C2orf68: variants seen among roughly 807,000 people sequenced by gnomAD.
The protein encoded by C2orf68 is chromosome 2 open reading frame 68, also known as UPF0561 protein C2orf68.
In C2orf68, 15 loss-of-function variants were observed where a neutral mutation model predicts 19.1. That is an observed-to-expected ratio of 0.79 (90% CI 0.53 to 1.21). The LOEUF is 1.21. Ranked by LOEUF, C2orf68 falls within the 50% of genes most tolerant of loss-of-function variation. The probability of loss-of-function intolerance (pLI) is 0.00; values close to 1 mark genes in which losing one functional copy is unlikely to be tolerated. For missense variants in C2orf68, 242 were observed against 226.6 expected (o/e 1.07, Z -0.44); for synonymous variants, 98 against 91.0 (o/e 1.08, Z -0.44).
At chr2:85,611,304 G>A in intron 2 of C2orf68, 3 of 1,420,106 alleles carry the variant, frequency 2.1e-6, no homozygotes, top group East Asian at 5.3e-5. Flanking sequence ...AGAAGCTGGG[G>A]AAAGGCCATT....
rs1305822572 is a variant in C2orf68, at chr2:85,607,286, G to A, written c.*1659C>T. The A allele has an allele frequency of 6.6e-6, 1 of 152,210 alleles. No homozygotes were observed. The highest frequency in any genetic ancestry group is 1.5e-5 in the Non-Finnish European group (1 of 68,044). The allele number at this position is 152,210 out of a possible 1,614,324, so 9.4% of individuals were successfully genotyped here. A position where few individuals can be genotyped will look rare whatever the true frequency, so the allele number is the denominator to read the frequency against. On this transcript the variant is annotated 3_prime_UTR_variant, in exon 4 of 4. Coordinates refer to ENST00000306336, the MANE Select transcript of C2orf68 (RefSeq NM_001013649.4). ...AATGACTGACTGGTTCTCTGACCAG[G>A]AAGAACAGGGGTGGAGTTTGGGAGA...
Position 85,609,535 on chromosome 2 carries a change from C to T in C2orf68, c.278G>A (p.Ser93Asn). Residue 93 changes from serine to asparagine, a missense_variant, in exon 3 of 4, where the codon AGC (serine) becomes AAC (asparagine). Coordinates refer to ENST00000306336, the MANE Select transcript of C2orf68 (RefSeq NM_001013649.4). ...NPDYEESGESSSSGGSELEPS... is the reference protein window; with the variant it reads ...NPDYEESGESNSSGGSELEPS... ...CTCCAGCTCAGAGCCTCCACTACTG[C>T]TGCTTTCACCGGACTCTTCATAGTC... The T allele has an allele frequency of 6.2e-7, 1 of 1,614,214 alleles. No individual in the cohort carries two copies. The highest frequency in any genetic ancestry group is 8.5e-7 in the Non-Finnish European group (1 of 1,180,028).
intron 3 of C2orf68, 73 bp from the exon 4 acceptor site, chr2:85,609,140 ACT>A: frequency 6.4e-7 from 1 of 1,567,140 alleles, no homozygotes; most frequent in East Asian, 2.3e-5. Flanking sequence ...GTCCCTAAAC[ACT>A]CTCACAGAAC....
Position 85,605,266 on chromosome 2 carries a change from CG to C in C2orf68, c.*3678del, listed in dbSNP as rs1273600331. 5.9e-5 allele frequency among the ~76,000 whole-genome samples: 9 copies of C among 151,946 alleles called. No homozygotes were observed. Among genetic ancestry groups the C allele is most frequent in the Non-Finnish European group, 1.0e-4 (7 of 67,972 alleles). On this transcript the variant is annotated 3_prime_UTR_variant, in exon 4 of 4. Coordinates refer to ENST00000306336, the MANE Select transcript of C2orf68 (RefSeq NM_001013649.4). Reference sequence around the variant, plus strand: ...TTGGCAAAAACAGTGCTGTAAAAATCGTAAGTTTATTTGTTAAAAAAAATAC... The same window carrying C: ...TTGGCAAAAACAGTGCTGTAAAAATCTAAGTTTATTTGTTAAAAAAAATAC...
Position 85,611,773 on chromosome 2 carries a change from T to C in C2orf68, c.121A>G (p.Lys41Glu). 1 of 1,611,978 alleles carries C rather than the reference T, an allele frequency of 6.2e-7. No homozygotes were observed. The highest frequency in any genetic ancestry group is 8.5e-7 in the Non-Finnish European group (1 of 1,179,506). Residue 41 changes from lysine to glutamate, a missense_variant, in exon 2 of 4, where the codon AAG becomes GAG. Lys to Glu is a moderately conservative substitution (Grantham distance 56, BLOSUM62 1). Coordinates refer to ENST00000306336, the MANE Select transcript of C2orf68 (RefSeq NM_001013649.4). The stretch of plus-strand genomic sequence containing the variant: ...TCCTTGGCCGCCTGCTTCACCTTCT[T>C]GTCATAGTCGTCCCTGCGGGGAGCC... ...RNQIARDDYD[K>E]KVKQAAKEKV...
intron 2 of C2orf68, 156 bp downstream of exon 2, chr2:85,611,512 A>C (rs1558840090): frequency 1.9e-6 from 3 of 1,550,842 alleles, no homozygotes; most frequent in Non-Finnish European, 2.6e-6. Context: ...GGTGAGAATC[A>C]TTCAGCGGAG....
In C2orf68 at chr2:85,609,690, T is replaced by C. The variant is rs1673380082; in HGVS notation, c.227-104A>G. 7 of 1,449,162 alleles carry C rather than the reference T, an allele frequency of 4.8e-6. No individual in the cohort carries two copies. The Admixed American group carries it at 1.3e-4, about 26-fold the overall frequency. The allele number at this position is 1,449,162 out of a possible 1,614,324, so 89.8% of individuals were successfully genotyped here. A position where few individuals can be genotyped will look rare whatever the true frequency, so the allele number is the denominator to read the frequency against. The stretch of plus-strand genomic sequence containing the variant: ...TATACGGTTAGGAAAGCCCCAGTCT[T>C]CTTTTTTTTGAGACGAAGTCTCACT... On this transcript the variant is annotated intron_variant, in intron 2 of 3. Transcript: ENST00000306336.
chr2:85,611,941 G>C lies in C2orf68; in HGVS notation c.44C>G (p.Pro15Arg), dbSNP rs908456742. Residue 15 changes from proline to arginine, a missense_variant, in exon 1 of 4, where the codon CCT becomes CGT. By Grantham distance (103) the Pro-to-Arg change is moderately radical. Coordinates refer to ENST00000306336, the MANE Select transcript of C2orf68 (RefSeq NM_001013649.4). The part of the protein sequence containing the change: ...PHPRPGHCCK[P>R]GGRLDMNHGF... Reference sequence around the variant, plus strand: ...GTGGTTCATGTCCAGCCGCCCCCCAGGCTTGCAGCAGTGCCCCGGCCGGGG... The same window carrying C: ...GTGGTTCATGTCCAGCCGCCCCCCACGCTTGCAGCAGTGCCCCGGCCGGGG... The C allele has an allele frequency of 6.3e-7, 1 of 1,583,264 alleles. No homozygotes were observed.
intron 2 of C2orf68, chr2:85,611,422 C>T: frequency 1.3e-6 from 2 of 1,512,958 alleles, no homozygotes; most frequent in Admixed American, 2.2e-5. Context: ...TGGGGCAAAC[C>T]GGCAGATAAA....
rs1483889621 is a variant in C2orf68 at position 85,609,471 on chromosome 2, T to C, written c.342A>G (p.Ala114=). 1 of 1,614,212 alleles carries C rather than the reference T, an allele frequency of 6.2e-7. No individual in the cohort carries two copies. Among genetic ancestry groups the C allele is most frequent in the Non-Finnish European group, 8.5e-7 (1 of 1,180,042 alleles). Residue 114 remains alanine, a synonymous_variant, in exon 3 of 4, where the codon GCA becomes GCG. Transcript: ENST00000306336. ...TAACTGATGTGACCTCTCCACTGTC[T>C]GCCTCGTATTCTAAGCAGAAGAGCT... ...GHQLFCLEYE[A]DSGEVTSVIV... is the part of the protein sequence containing the mutation.
rs1673320904 is a variant in C2orf68 at position 85,608,873 on chromosome 2, C to T, written c.*72G>A. The stretch of plus-strand genomic sequence containing the variant: ...TCAGACAAACTGGTCCTGGTACCCC[C>T]ACACTAAATTCCCTGGGCAGAATTC... On this transcript the variant is annotated 3_prime_UTR_variant, in exon 4 of 4. Transcript: ENST00000306336. The T allele has an allele frequency of 1.3e-6, 2 of 1,585,708 alleles. No homozygotes were observed. Among genetic ancestry groups the T allele is most frequent in the Non-Finnish European group, 1.7e-6 (2 of 1,161,866 alleles).
In C2orf68 at chr2:85,608,729, A is replaced by T; in HGVS notation, c.*216T>A. ...AAAAAAAAAAAAAAAAAAAAAAAAA[A>T]GAATTCCAGAATATCAGGCTGGGCA... is the stretch of plus-strand genomic sequence containing the variant. On this transcript the variant is annotated 3_prime_UTR_variant, in exon 4 of 4. Coordinates refer to ENST00000306336, the MANE Select transcript of C2orf68 (RefSeq NM_001013649.4). The T allele has an allele frequency of 7.9e-6, 2 of 252,808 alleles. No homozygotes were observed. Among genetic ancestry groups the T allele is most frequent in the Non-Finnish European group, 7.0e-6 (1 of 143,326 alleles). 15.7% of individuals were successfully genotyped at this position (252,808 alleles called of 1,614,324 possible). A position where few individuals can be genotyped will look rare whatever the true frequency, so the allele number is the denominator to read the frequency against.
chr2:85,609,332 C>G (rs574973523), intron 3 of C2orf68, 103 bp downstream of exon 3: 14 of 1,482,422 alleles, frequency 9.4e-6, no homozygotes, highest in African/African-American at 1.4e-5. Flanking sequence ...GTGGAGCAGA[C>G]GCTTCCCATT....
In C2orf68 at chr2:85,606,662, G is replaced by GA. The variant is rs1197462050; in HGVS notation, c.*2282dup. On this transcript the variant is annotated 3_prime_UTR_variant, in exon 4 of 4. Coordinates refer to ENST00000306336, the MANE Select transcript of C2orf68 (RefSeq NM_001013649.4). ...GCACTTGAAAAGCAAAATTCCTCAA[G>GA]AAAAAAAGTTTAATAGCAAGGAGTT... The GA allele has an allele frequency of 5.3e-5, 8 of 151,896 alleles. No homozygotes were observed. The highest frequency in any genetic ancestry group is 1.7e-4 in the African/African-American group (7 of 41,358). The allele number at this position is 151,896 out of a possible 1,614,324, so 9.4% of individuals were successfully genotyped here. A position where few individuals can be genotyped will look rare whatever the true frequency, so the allele number is the denominator to read the frequency against.
chr2:85,609,472 G>C lies in C2orf68; in HGVS notation c.341C>G (p.Ala114Gly). Residue 114 changes from alanine (A) to glycine (G), a missense_variant, in exon 3 of 4, where the codon GCA (alanine) becomes GGA (glycine). Ala to Gly is a moderately conservative substitution (Grantham distance 60). Transcript: ENST00000306336. ...AACTGATGTGACCTCTCCACTGTCT[G>C]CCTCGTATTCTAAGCAGAAGAGCTG... Reference protein sequence around the residue: ...GHQLFCLEYEADSGEVTSVIV... With the variant: ...GHQLFCLEYEGDSGEVTSVIV... The C allele has an allele frequency of 3.1e-6, 5 of 1,614,226 alleles. No homozygotes were observed. The highest frequency in any genetic ancestry group is 4.2e-6 in the Non-Finnish European group (5 of 1,180,044).
At position 85,612,021 on chromosome 2, in the gene C2orf68, G is replaced by A. The variant is rs537111251; in HGVS notation, c.-37C>T. 4 of 1,418,764 alleles carry A rather than the reference G, an allele frequency of 2.8e-6. No homozygotes were observed. Among genetic ancestry groups the A allele is most frequent in the South Asian group, 2.7e-5 (2 of 72,804 alleles). 87.9% of individuals were successfully genotyped at this position (1,418,764 alleles called of 1,614,324 possible). A position where few individuals can be genotyped will look rare whatever the true frequency, so the allele number is the denominator to read the frequency against. On this transcript the variant is annotated 5_prime_UTR_variant, in exon 1 of 4. Coordinates refer to ENST00000306336, the MANE Select transcript of C2orf68 (RefSeq NM_001013649.4). ...GACGCAGAGTCGCCGCCGCCTCGACGGCCCCAACAACAGCCACCCGCCCAC... is the reference window on the plus strand; with the variant it reads ...GACGCAGAGTCGCCGCCGCCTCGACAGCCCCAACAACAGCCACCCGCCCAC...
Position 85,606,169 on chromosome 2 carries a change from T to G in C2orf68, c.*2776A>C, listed in dbSNP as rs982931329. 6.6e-6 allele frequency among the ~76,000 whole-genome samples: 1 copy of G among 152,296 alleles called. No individual in the cohort carries two copies. ...TGAGATATGCCTATCAGATTGTGTG[T>G]GTGTGCGCGTTTTTTAAAGACAGCC... On this transcript the variant is annotated 3_prime_UTR_variant, in exon 4 of 4. Coordinates refer to ENST00000306336, the MANE Select transcript of C2orf68 (RefSeq NM_001013649.4).
At chr2:85,610,053 T>G (rs1476211872) in intron 2 of C2orf68, among the ~76,000 whole-genome samples, 1 of 144,454 alleles carries the variant, frequency 6.9e-6, no homozygotes, top group African/African-American at 2.6e-5. Flanking sequence ...CTTGCTCTGT[T>G]GCCCAGGCTG....
Position 85,611,679 on chromosome 2 carries a change from G to T in C2orf68, c.215C>A (p.Pro72Gln), listed in dbSNP as rs1046947660. 6.4e-7 allele frequency: 1 copy of T among 1,566,116 alleles called. No homozygotes were observed. ...GCGGGCGGCCTCACCTCGGTGTCGCGGCAGGTACACCTGCAGGTCTGGCTT... is the reference window on the plus strand; with the variant it reads ...GCGGGCGGCCTCACCTCGGTGTCGCTGCAGGTACACCTGCAGGTCTGGCTT... ...PRKPDLQVYL[P>Q]RHRDVSAHPR... Residue 72 changes from proline (P) to glutamine (Q), a missense_variant, in exon 2 of 4, where the codon CCG (proline) becomes CAG (glutamine). Physicochemically the swap from Pro to Gln is moderately conservative, Grantham distance 76 (BLOSUM62 -1). Coordinates refer to ENST00000306336, the MANE Select transcript of C2orf68 (RefSeq NM_001013649.4).
Sources: gnomAD v4.1 joint callset for allele counts (sites outside exome capture counted in the v4.1 genomes callset) on GRCh38, gnomAD v4.1.1 for gene constraint, MANE v1.5 for transcripts, NCBI Gene and HGNC (gene_info 2026-07-23, HGNC 2026-07-21) for gene names.